The following ZNF521 variants were observed in gnomAD, a reference collection of about 807,000 sequenced individuals.
ZNF521 encodes the protein zinc finger protein 521, also known as LYST-interacting protein 3.
ZNF521 carries 14 observed loss-of-function variants against 105.5 expected under a neutral mutation model. That is an observed-to-expected ratio of 0.13 (90% CI 0.09 to 0.21). The LOEUF (loss-of-function observed/expected upper bound fraction) is 0.21, where lower values mean the gene tolerates loss of function less well. Among genes scored for constraint, ZNF521 ranks in the 10% least tolerant of loss-of-function variants. The pLI, the probability that ZNF521 is intolerant of heterozygous loss-of-function variation, is 1.00. For missense variants in ZNF521, 1,233 were observed against 1,629.7 expected (o/e 0.76, Z 4.19); for synonymous variants, 635 against 606.0 (o/e 1.05, Z -0.70).
intron 2 of ZNF521, among the ~76,000 whole-genome samples, chr18:25,332,216 C>T (rs1280037008): frequency 1.3e-5 from 2 of 150,778 alleles, no homozygotes; most frequent in African/African-American, 4.9e-5. Flanking sequence ...AGAAATGATC[C>T]CACTTAGGAA....
intron 7 of ZNF521, among the ~76,000 whole-genome samples, chr18:25,067,740 G>T (rs2033106899): frequency 6.6e-6 from 1 of 152,162 alleles, no homozygotes. Context: ...TCTTCCTAGA[G>T]TTGAAAAATT....
intron 5 of ZNF521, among the ~76,000 whole-genome samples, chr18:25,144,623 A>C (rs2144454633): frequency 6.6e-6 from 1 of 152,276 alleles, no homozygotes; most frequent in African/African-American, 2.4e-5. Context: ...GATAGAACAA[A>C]CCCAGGTAAG....
chr18:25,263,355 G>A (rs183779600), intron 3 of ZNF521, among the ~76,000 whole-genome samples: 2 of 151,672 alleles, frequency 1.3e-5, no homozygotes, highest in African/African-American at 4.9e-5. Flanking sequence ...TCAATAACTT[G>A]CTTTTTTTTT....
chr18:25,347,760 TACAG>T (rs1274232812), intron 2 of ZNF521, among the ~76,000 whole-genome samples: 3 of 152,228 alleles, frequency 2.0e-5, no homozygotes, highest in Non-Finnish European at 4.4e-5. Context: ...TGGTTGAAAA[TACAG>T]ACTCCAAACC....
chr18:25,297,400 C>T (rs1045302787), intron 3 of ZNF521, among the ~76,000 whole-genome samples: 5 of 152,098 alleles, frequency 3.3e-5, no homozygotes, highest in Admixed American at 3.3e-4. Context: ...CAAGTTACAG[C>T]AAATCCATGA....
chr18:25,188,120 C>T lies in ZNF521; in HGVS notation c.3658+7040G>A, dbSNP rs574169825. Among the ~76,000 whole-genome samples the T allele has an allele frequency of 1.1e-4, 16 of 152,246 alleles. No individual in the cohort carries two copies. In the South Asian group the frequency reaches 2.3e-3, roughly 22 times the overall value. On this transcript the variant is annotated intron_variant, in intron 5 of 7. Coordinates refer to ENST00000361524, the MANE Select transcript of ZNF521 (RefSeq NM_015461.3). ...CTTTCCAGCTCCCTAACAGCCCACA[C>T]GGCTGCCCCATACAGAGCTGCCAGC...
intron 3 of ZNF521, among the ~76,000 whole-genome samples, chr18:25,247,461 G>T (rs1472202834): frequency 6.6e-6 from 1 of 152,160 alleles, no homozygotes; most frequent in East Asian, 1.9e-4. Context: ...CTTGACCTTG[G>T]CTGCACATTA....
chr18:25,260,962 T>A (rs989870237), intron 3 of ZNF521, among the ~76,000 whole-genome samples: 2 of 152,160 alleles, frequency 1.3e-5, no homozygotes, highest in Non-Finnish European at 2.9e-5. Flanking sequence ...CAGAGTAAAA[T>A]ACGAAAACCT....
intron 4 of ZNF521, among the ~76,000 whole-genome samples, chr18:25,217,047 G>T (rs1276781335): frequency 2.0e-5 from 3 of 152,118 alleles, no homozygotes; most frequent in Non-Finnish European, 4.4e-5. Flanking sequence ...TAAGAAGGAA[G>T]AGTCGCCAGA....
chr18:25,192,701 AAC>A (rs1568002918), intron 5 of ZNF521, among the ~76,000 whole-genome samples: 1 of 146,108 alleles, frequency 6.8e-6, no homozygotes, highest in Admixed American at 6.8e-5. Context: ...AAAAAAAAAA[AAC>A]CACACACAGA....
intron 5 of ZNF521, among the ~76,000 whole-genome samples, chr18:25,106,581 T>C (rs985205615): frequency 6.6e-6 from 1 of 152,152 alleles, no homozygotes; most frequent in Non-Finnish European, 1.5e-5. Flanking sequence ...ACTCTGGCAG[T>C]AAAATGCTTC....
intron 2 of ZNF521, among the ~76,000 whole-genome samples, chr18:25,326,861 C>G (rs368458321): frequency 3.9e-5 from 6 of 152,198 alleles, no homozygotes; most frequent in African/African-American, 1.4e-4. Flanking sequence ...CTCACGCAAA[C>G]TTAAAACTGG....
At chr18:25,247,285 G>A (rs1174900598) in intron 3 of ZNF521, among the ~76,000 whole-genome samples, 3 of 152,158 alleles carry the variant, frequency 2.0e-5, no homozygotes, top group East Asian at 3.9e-4. Context: ...TGTGGAAGAA[G>A]CACGAAAACA....
At chr18:25,350,305 C>T (rs928536070) in intron 2 of ZNF521, among the ~76,000 whole-genome samples, 5 of 151,856 alleles carry the variant, frequency 3.3e-5, no homozygotes, top group Non-Finnish European at 7.4e-5. Context: ...TGCTCTGAGG[C>T]CCGAGCCGGG....
intron 4 of ZNF521, among the ~76,000 whole-genome samples, chr18:25,207,238 C>T (rs2036097477): frequency 6.6e-6 from 1 of 152,112 alleles, no homozygotes; most frequent in South Asian, 2.1e-4. Context: ...ACTGACCTTG[C>T]CCATGACTCA....
At chr18:25,097,218 C>T (rs903303880) in intron 5 of ZNF521, among the ~76,000 whole-genome samples, 9 of 152,126 alleles carry the variant, frequency 5.9e-5, no homozygotes, top group African/African-American at 2.2e-4. Context: ...ATGCACACAG[C>T]CATCACATTC....
At chr18:25,213,288 A>G (rs764972870) in intron 4 of ZNF521, among the ~76,000 whole-genome samples, 2 of 150,336 alleles carry the variant, frequency 1.3e-5, no homozygotes, top group Non-Finnish European at 3.0e-5. Context: ...GCTTAAGATA[A>G]TATTTTAAAA....
At chr18:25,334,083 C>T in intron 2 of ZNF521, among the ~76,000 whole-genome samples, 1 of 152,202 alleles carries the variant, frequency 6.6e-6, no homozygotes, top group South Asian at 2.1e-4. Flanking sequence ...CCCCTTGCCA[C>T]CACCACTAAA....
chr18:25,345,689 G>C (rs1367042685), intron 2 of ZNF521, among the ~76,000 whole-genome samples: 3 of 152,178 alleles, frequency 2.0e-5, no homozygotes, highest in Non-Finnish European at 4.4e-5. Flanking sequence ...CTTGCCAACT[G>C]TAATTGCTGT....
Sources: allele counts gnomAD v4.1 joint callset (sites outside exome capture counted in the v4.1 genomes callset), GRCh38; gene constraint gnomAD v4.1.1; transcripts MANE v1.5; gene names NCBI Gene and HGNC (gene_info 2026-07-23, HGNC 2026-07-21).